Variants in MED6 observed in about 807,000 individuals in gnomAD.
MED6 encodes mediator complex subunit 6.
Under a neutral mutation model 37.5 loss-of-function variants are expected in MED6, and 33 were observed. The observed-to-expected ratio is 0.88, with a 90% CI of 0.67 to 1.18. MED6 has a LOEUF of 1.18. Ranked by LOEUF, MED6 falls within the 50% of genes most tolerant of loss-of-function variation. The probability of loss-of-function intolerance (pLI) is 0.00; values close to 1 mark genes in which losing one functional copy is unlikely to be tolerated. For synonymous variants in MED6, 94 were observed against 93.6 expected, an observed-to-expected ratio of 1.00 and a Z score of -0.02; for missense variants, 235 against 290.6, an observed-to-expected ratio of 0.81 and a Z score of 1.39.
In MED6 at chr14:70,592,898, T is replaced by C; in HGVS notation, c.448A>G (p.Lys150Glu). The change falls in exon 5 of 8, where the codon AAA becomes GAA. Residue 150 changes from lysine to glutamate, a missense_variant. Transcript: ENST00000256379. ...TACTTACCTTGCTCTTCATGATCTT[T>C]GAAGTGCCACCAATACCCTTTGGAA... ...HPSKGYWWHF[K>E]DHEEQDKVRP... 3 of 1,613,916 alleles carry C rather than the reference T, an allele frequency of 1.9e-6. No homozygotes were observed. The highest frequency in any genetic ancestry group is 2.5e-6 in the Non-Finnish European group (3 of 1,179,884).
At chr14:70,586,357 CT>C (rs1478840001) in intron 6 of MED6, among the ~76,000 whole-genome samples, 2 of 152,166 alleles carry the variant, frequency 1.3e-5, no homozygotes, top group Non-Finnish European at 2.9e-5. Context: ...GCAAGCAATT[CT>C]TTCACTTGAT....
intron 3 of MED6, among the ~76,000 whole-genome samples, chr14:70,593,896 A>C (rs1454481512): frequency 6.6e-6 from 1 of 152,208 alleles, no homozygotes; most frequent in Non-Finnish European, 1.5e-5. Flanking sequence ...CTGGGTCCTA[A>C]GGAATAAGAT....
At chr14:70,594,670 G>C (rs1884988074) in intron 3 of MED6, 4 of 452,678 alleles carry the variant, frequency 8.8e-6, no homozygotes, top group Non-Finnish European at 1.3e-5. Context: ...GGCACCGGAG[G>C]CTCTGGTTCC....
At position 70,592,866 on chromosome 14, in the gene MED6, G is replaced by A; in HGVS notation, c.466+14C>T. Reference sequence around the variant, plus strand: ...TCAAAAAGTGTTTTAGGAGGGTATGGATGTTCTACTTACCTTGCTCTTCAT... The same window carrying A: ...TCAAAAAGTGTTTTAGGAGGGTATGAATGTTCTACTTACCTTGCTCTTCAT... On this transcript the variant is annotated intron_variant, in intron 5 of 7. Coordinates refer to ENST00000256379, the MANE Select transcript of MED6 (RefSeq NM_005466.4). The A allele has an allele frequency of 6.2e-7, 1 of 1,613,068 alleles. No individual in the cohort carries two copies. Among genetic ancestry groups the A allele is most frequent in the Non-Finnish European group, 8.5e-7 (1 of 1,179,494 alleles).
intron 6 of MED6, among the ~76,000 whole-genome samples, chr14:70,590,107 C>T (rs1438556258): frequency 6.6e-6 from 1 of 152,122 alleles, no homozygotes; most frequent in Non-Finnish European, 1.5e-5. Context: ...GTATACTGCA[C>T]TTACATCACA....
chr14:70,596,608 T>A lies in MED6; in HGVS notation c.274+3A>T. The A allele has an allele frequency of 2.5e-6, 4 of 1,606,222 alleles. No homozygotes were observed. The highest frequency in any genetic ancestry group is 3.4e-6 in the Non-Finnish European group (4 of 1,173,496). ...AACAATGCCTAAAGTTTACACATTT[T>A]ACCTTGGGCAGGGGACTGCCGCTGT... On this transcript the variant is annotated splice_donor_region_variant and intron_variant, in intron 3 of 7. Transcript: ENST00000256379.
intron 1 of MED6, 58 bp downstream of exon 1, chr14:70,600,558 T>C: frequency 6.3e-7 from 1 of 1,598,736 alleles, no homozygotes; most frequent in Non-Finnish European, 8.6e-7. Context: ...CCGCGAGCTA[T>C]AACATCCCAA....
intron 2 of MED6, 73 bp downstream of exon 2, chr14:70,597,545 T>C (rs1048004988): frequency 1.5e-6 from 2 of 1,306,700 alleles, no homozygotes; most frequent in South Asian, 2.1e-5. Flanking sequence ...CACTTCATGA[T>C]CCACAGTTTG....
intron 6 of MED6, among the ~76,000 whole-genome samples, chr14:70,588,739 TA>T (rs1884788148): frequency 1.5e-5 from 2 of 133,554 alleles, no homozygotes; most frequent in Admixed American, 7.4e-5. Context: ...ATAATAATAA[TA>T]ATTGGGAGGA....
At chr14:70,587,662 C>T (rs1371033412) in intron 6 of MED6, among the ~76,000 whole-genome samples, 1 of 152,128 alleles carries the variant, frequency 6.6e-6, no homozygotes, top group Non-Finnish European at 1.5e-5. Context: ...TCTAGTAAGT[C>T]CTGCTAGACT....
intron 6 of MED6, among the ~76,000 whole-genome samples, chr14:70,587,168 T>C (rs551235887): frequency 4.5e-4 from 68 of 152,326 alleles, no homozygotes; most frequent in Admixed American, 2.2e-3. Context: ...ATTTTCACTG[T>C]TGAGAGAAGA....
intron 6 of MED6, 37 bp from the exon 7 acceptor site, chr14:70,585,820 G>A: frequency 1.3e-6 from 2 of 1,580,300 alleles, no homozygotes; most frequent in East Asian, 2.3e-5. Flanking sequence ...GAGAGGAAGA[G>A]GAAAAAGAAG....
rs1039409177 is a variant in MED6, at chr14:70,588,291, G to A, written c.583-2508C>T. Among the ~76,000 whole-genome samples, 6 of 152,102 alleles carry A rather than the reference G, an allele frequency of 3.9e-5. No individual in the cohort carries two copies. The East Asian group carries it at 7.7e-4, about 20-fold the overall frequency. On this transcript the variant is annotated intron_variant, in intron 6 of 7. Coordinates refer to ENST00000256379, the MANE Select transcript of MED6 (RefSeq NM_005466.4). ...TGGCCCTTGGATGGTAAAAGAAATG[G>A]CTCAGGAATATGATGATATAAGTAT...
At position 70,584,180 on chromosome 14, in the gene MED6, T is replaced by G. The variant is rs537969274; in HGVS notation, c.*633A>C. ...TTACTACTTTAACATCCTTTATGTC[T>G]TCAAAGTGCATCTGAAAAATATCAG... On this transcript the variant is annotated 3_prime_UTR_variant, in exon 8 of 8. Transcript: ENST00000256379. The G allele has an allele frequency of 1.3e-6, 1 of 756,380 alleles. No individual in the cohort carries two copies. Among genetic ancestry groups the G allele is most frequent in the South Asian group, 1.4e-5 (1 of 73,282 alleles). 46.9% of individuals were successfully genotyped at this position (756,380 alleles called of 1,614,324 possible).
In MED6 at chr14:70,595,289, G is replaced by A. The variant is rs191557766; in HGVS notation, c.274+1322C>T. 46 of 549,902 alleles carry A rather than the reference G, an allele frequency of 8.4e-5. No individual in the cohort carries two copies. In the East Asian group the frequency reaches 8.8e-4, roughly 11 times the overall value. 34.1% of individuals were successfully genotyped at this position (549,902 alleles called of 1,614,324 possible). A position where few individuals can be genotyped will look rare whatever the true frequency, so the allele number is the denominator to read the frequency against. ...ATCTCAGGACCTCGCCAAGATCACA[G>A]GAGACATCCTAATACGAAGAGCTGG... On this transcript the variant is annotated intron_variant, in intron 3 of 7. Transcript: ENST00000256379.
rs1274620792 is a variant in MED6, at chr14:70,583,897, G to A, written c.*916C>T. On this transcript the variant is annotated 3_prime_UTR_variant, in exon 8 of 8. Coordinates refer to ENST00000256379, the MANE Select transcript of MED6 (RefSeq NM_005466.4). ...TTTGCAGACTTCCTACCAGCAAGAAGGCCCTCACCAGATGGAGCCAATCAA... is the reference window on the plus strand; with the variant it reads ...TTTGCAGACTTCCTACCAGCAAGAAAGCCCTCACCAGATGGAGCCAATCAA... 1 of 398,536 alleles carries A rather than the reference G, an allele frequency of 2.5e-6. No homozygotes were observed. Among genetic ancestry groups the A allele is most frequent in the Non-Finnish European group, 4.4e-6 (1 of 226,264 alleles). The allele number at this position is 398,536 out of a possible 1,614,324, so 24.7% of individuals were successfully genotyped here.
At chr14:70,598,443 C>A (rs1357339401) in intron 1 of MED6, among the ~76,000 whole-genome samples, 1 of 152,064 alleles carries the variant, frequency 6.6e-6, no homozygotes, top group East Asian at 1.9e-4. Context: ...CCACTGCACT[C>A]CAGCCTGGGC....
chr14:70,599,816 AAAT>A (rs1282704587), intron 1 of MED6, among the ~76,000 whole-genome samples: 6 of 121,606 alleles, frequency 4.9e-5, no homozygotes, highest in African/African-American at 1.8e-4. Flanking sequence ...GTGATGAAAT[AAAT>A]AATGAAAGAC....
intron 6 of MED6, 73 bp from the exon 7 acceptor site, chr14:70,585,856 C>A: frequency 8.1e-7 from 1 of 1,239,904 alleles, no homozygotes; most frequent in Non-Finnish European, 1.1e-6. Context: ...GGCAAAATTT[C>A]TTCTTCCTGA....
Sources: gnomAD v4.1 joint callset for allele counts (sites outside exome capture counted in the v4.1 genomes callset) on GRCh38, gnomAD v4.1.1 for gene constraint, MANE v1.5 for transcripts, NCBI Gene and HGNC (gene_info 2026-07-23, HGNC 2026-07-21) for gene names.